Variants in TCERG1L observed in about 807,000 individuals in gnomAD.
The protein encoded by TCERG1L is transcription elongation regulator 1 like, also known as transcription elongation regulator 1-like protein.
A neutral mutation model predicts 56.3 loss-of-function variants in TCERG1L; 37 were observed. The observed-to-expected ratio is 0.66, with a 90% CI of 0.51 to 0.87. The LOEUF (loss-of-function observed/expected upper bound fraction) is 0.87, where lower values mean the gene tolerates loss of function less well. TCERG1L is among the 40% of genes least tolerant of loss of function. The probability of loss-of-function intolerance (pLI) is 0.00; values close to 1 mark genes in which losing one functional copy is unlikely to be tolerated. For missense variants in TCERG1L, 799 were observed against 774.2 expected, an observed-to-expected ratio of 1.03 and a Z score of -0.38; for synonymous variants, 324 against 326.3, an observed-to-expected ratio of 0.99 and a Z score of 0.08.
At chr10:131,115,580 T>C (rs1051133695) in intron 9 of TCERG1L, among the ~76,000 whole-genome samples, 4 of 152,294 alleles carry the variant, frequency 2.6e-5, no homozygotes, top group East Asian at 3.9e-4. Context: ...ACACGGGGTA[T>C]TGCAGTCACC....
intron 3 of TCERG1L, among the ~76,000 whole-genome samples, chr10:131,301,220 G>A (rs1260622960): frequency 6.6e-6 from 1 of 151,768 alleles, no homozygotes; most frequent in Non-Finnish European, 1.5e-5. Context: ...CAAGACTGGG[G>A]GTTTCTTACT....
intron 11 of TCERG1L, among the ~76,000 whole-genome samples, chr10:131,097,104 G>A (rs1845256448): frequency 6.7e-6 from 1 of 148,572 alleles, no homozygotes; most frequent in Non-Finnish European, 1.5e-5. Flanking sequence ...AGAGGTTGAA[G>A]CAGGGAGAAT....
rs189822820 is a variant in TCERG1L, at chr10:131,116,969, C to A, written c.1260-35G>T. 3.8e-6 allele frequency: 6 copies of A among 1,587,358 alleles called. No individual in the cohort carries two copies. In the South Asian group the frequency reaches 6.9e-5, roughly 18 times the overall value. ...CACAAGACGCAGAGTTAGACACACT[C>A]GTGGGGACCCAGCTGGTTTTTATTG... On this transcript the variant is annotated intron_variant, in intron 8 of 11. Coordinates refer to ENST00000368642, the MANE Select transcript of TCERG1L (RefSeq NM_174937.4).
intron 7 of TCERG1L, among the ~76,000 whole-genome samples, chr10:131,145,094 C>T (rs187589585): frequency 1.3e-5 from 2 of 152,348 alleles, no homozygotes; most frequent in East Asian, 1.9e-4. Context: ...TCTACAAGAA[C>T]GCAAGCTAAA....
chr10:131,122,027 T>C (rs1160896363), intron 8 of TCERG1L, among the ~76,000 whole-genome samples: 1 of 152,176 alleles, frequency 6.6e-6, no homozygotes, highest in African/African-American at 2.4e-5. Flanking sequence ...CAGCCTCACT[T>C]CTAACAAGTG....
At chr10:131,217,222 A>G (rs1373946514) in intron 4 of TCERG1L, among the ~76,000 whole-genome samples, 1 of 151,884 alleles carries the variant, frequency 6.6e-6, no homozygotes, top group Non-Finnish European at 1.5e-5. Flanking sequence ...AGTTTTCCTG[A>G]GATCTGGTCG....
intron 10 of TCERG1L, among the ~76,000 whole-genome samples, chr10:131,099,188 C>T (rs192475096): frequency 1.3e-5 from 2 of 152,340 alleles, no homozygotes; most frequent in African/African-American, 4.8e-5. Context: ...ATGGGAGGGA[C>T]ATGCACATCA....
rs78030516 is a variant in TCERG1L, at chr10:131,194,120, T to C, written c.857-27235A>G. Among the ~76,000 whole-genome samples the C allele has an allele frequency of 5.9e-3, 905 of 152,362 alleles. 31 individuals carry two copies. The East Asian group carries it at 0.11, about 19-fold the overall frequency. On this transcript the variant is annotated intron_variant, in intron 4 of 11. Coordinates refer to ENST00000368642, the MANE Select transcript of TCERG1L (RefSeq NM_174937.4). ...CGGCCACACCACACGGCATGGAGCT[T>C]TGACCCGTGCCAAAGCAGTGGGAAT... is the stretch of plus-strand genomic sequence containing the variant.
chr10:131,198,687 T>C (rs1845393568), intron 4 of TCERG1L, among the ~76,000 whole-genome samples: 1 of 152,208 alleles, frequency 6.6e-6, no homozygotes, highest in African/African-American at 2.4e-5. Context: ...TGATGCTGCA[T>C]GCTGGTGACT....
intron 4 of TCERG1L, among the ~76,000 whole-genome samples, chr10:131,240,672 C>T (rs1845962440): frequency 1.3e-5 from 2 of 152,216 alleles, no homozygotes; most frequent in Admixed American, 1.3e-4. Context: ...AAATACGCCA[C>T]AGCCTGGTCC....
chr10:131,179,747 T>C (rs926191615), intron 4 of TCERG1L, among the ~76,000 whole-genome samples: 1 of 152,102 alleles, frequency 6.6e-6, no homozygotes, highest in African/African-American at 2.4e-5. Flanking sequence ...CACTTCACCA[T>C]GACAGAAGCA....
chr10:131,283,034 A>G (rs1209842621), intron 3 of TCERG1L, among the ~76,000 whole-genome samples: 1 of 152,224 alleles, frequency 6.6e-6, no homozygotes, highest in Non-Finnish European at 1.5e-5. Context: ...AATTTGAGAC[A>G]AAAATGTATT....
chr10:131,225,750 A>C (rs1845784760), intron 4 of TCERG1L, among the ~76,000 whole-genome samples: 1 of 150,896 alleles, frequency 6.6e-6, no homozygotes, highest in African/African-American at 2.4e-5. Context: ...CCCCCTCCCA[A>C]CTCCCTGCAC....
intron 8 of TCERG1L, among the ~76,000 whole-genome samples, chr10:131,127,477 C>T (rs1317701770): frequency 3.9e-5 from 6 of 152,326 alleles, no homozygotes; most frequent in African/African-American, 9.6e-5. Context: ...GTCCAAACCT[C>T]GGAGAAGCCC....
At chr10:131,176,417 C>T (rs570049573) in intron 4 of TCERG1L, among the ~76,000 whole-genome samples, 2 of 82,334 alleles carry the variant, frequency 2.4e-5, no homozygotes, top group African/African-American at 9.1e-5. Context: ...TGCACATACA[C>T]CAAGACACAT....
At chr10:131,255,747 G>A (rs557477653) in intron 4 of TCERG1L, among the ~76,000 whole-genome samples, 4 of 152,366 alleles carry the variant, frequency 2.6e-5, no homozygotes, top group East Asian at 1.9e-4. Flanking sequence ...CAGAAAGAAC[G>A]CGAGGTCCCA....
chr10:131,224,256 C>A (rs533547992), intron 4 of TCERG1L, among the ~76,000 whole-genome samples: 1 of 152,268 alleles, frequency 6.6e-6, no homozygotes, highest in South Asian at 2.1e-4. Flanking sequence ...CTGCCCCACA[C>A]GCCTTTCCAG....
At chr10:131,168,700 A>G (rs914943987) in intron 4 of TCERG1L, among the ~76,000 whole-genome samples, 1 of 152,150 alleles carries the variant, frequency 6.6e-6, no homozygotes, top group African/African-American at 2.4e-5. Flanking sequence ...GGCTCTCCCC[A>G]GGGCTGGGTG....
rs566489341 is a variant in TCERG1L, at chr10:131,274,371, G to C, written c.671-13927C>G. Among the ~76,000 whole-genome samples the C allele has an allele frequency of 3.9e-5, 6 of 152,342 alleles. 1 individual carries two copies. The East Asian group carries it at 1.2e-3, about 29-fold the overall frequency. Reference sequence around the variant, plus strand: ...CGCCATTCCCAGCTGCACTTGTTCAGTTTTGCTCAGCATCCTATGGCCATG... The same window carrying C: ...CGCCATTCCCAGCTGCACTTGTTCACTTTTGCTCAGCATCCTATGGCCATG... On this transcript the variant is annotated intron_variant, in intron 3 of 11. Transcript: ENST00000368642.
Sources: gnomAD v4.1 joint callset for allele counts (sites outside exome capture counted in the v4.1 genomes callset) on GRCh38, gnomAD v4.1.1 for gene constraint, MANE v1.5 for transcripts, NCBI Gene and HGNC (gene_info 2026-07-23, HGNC 2026-07-21) for gene names.